The following ADAMTSL3 variants were observed in gnomAD, a reference collection of about 807,000 sequenced individuals.
ADAMTSL3 encodes the protein ADAMTS like 3.
ADAMTSL3 carries 128 observed loss-of-function variants against 201.7 expected under a neutral mutation model. The observed-to-expected ratio is 0.63, with a 90% CI of 0.55 to 0.73. The LOEUF (loss-of-function observed/expected upper bound fraction) is 0.73. Ranked by LOEUF, ADAMTSL3 falls within the 30% of genes least tolerant of loss-of-function variation. ADAMTSL3 has a pLI of 0.00. For synonymous variants in ADAMTSL3, 738 were observed against 748.4 expected, an observed-to-expected ratio of 0.99 and a Z score of 0.23; for missense variants, 1,990 against 2,119.6, an observed-to-expected ratio of 0.94 and a Z score of 1.20.
At chr15:83,695,692 T>G (rs998407482) in intron 2 of ADAMTSL3, among the ~76,000 whole-genome samples, 1 of 152,174 alleles carries the variant, frequency 6.6e-6, no homozygotes, top group Admixed American at 6.5e-5. Flanking sequence ...TCCCTGGAAA[T>G]AATTTTTTTT....
chr15:83,955,564 C>T (rs1195572006), intron 19 of ADAMTSL3, among the ~76,000 whole-genome samples: 1 of 152,092 alleles, frequency 6.6e-6, no homozygotes. Flanking sequence ...ATCCAAGGCC[C>T]ATGGCATACT....
intron 3 of ADAMTSL3, among the ~76,000 whole-genome samples, chr15:83,706,561 A>G (rs568621441): frequency 7.2e-5 from 11 of 152,320 alleles, no homozygotes; most frequent in African/African-American, 2.4e-4. Flanking sequence ...AACTAGGTTT[A>G]TCTATTGAAT....
chr15:83,805,882 C>T (rs2063595181), intron 5 of ADAMTSL3, among the ~76,000 whole-genome samples: 1 of 152,026 alleles, frequency 6.6e-6, no homozygotes, highest in Non-Finnish European at 1.5e-5. Context: ...GCAGGGAGCC[C>T]CTAGTAGCCC....
chr15:83,714,850 TTCCCTCCC>T lies in ADAMTSL3; in HGVS notation c.189+10364_189+10371del, dbSNP rs369793230. On this transcript the variant is annotated intron_variant, in intron 3 of 29. Transcript: ENST00000286744. ...TCTCTCTCTCTTTCTTTCTCTCTCT[TTCCCTCCC>T]TCCCTCCCTCCCTCCCTCCCTTCCT... is the stretch of plus-strand genomic sequence containing the variant. 3.9e-3 allele frequency among the ~76,000 whole-genome samples: 198 copies of T among 50,998 alleles called. 5 individuals carry two copies. The highest frequency in any genetic ancestry group is 0.017 in the African/African-American group (172 of 9,938). 33.5% of individuals were successfully genotyped at this position (50,998 alleles called of 152,430 possible). A position where few individuals can be genotyped will look rare whatever the true frequency, so the allele number is the denominator to read the frequency against.
chr15:83,952,624 T>C (rs2066778197), intron 19 of ADAMTSL3, among the ~76,000 whole-genome samples: 1 of 151,948 alleles, frequency 6.6e-6, no homozygotes, highest in African/African-American at 2.4e-5. Flanking sequence ...AGTGCTCCAG[T>C]GTTTAGTGCA....
chr15:83,757,377 T>G (rs1245607220), intron 3 of ADAMTSL3, among the ~76,000 whole-genome samples: 1 of 152,248 alleles, frequency 6.6e-6, no homozygotes, highest in Non-Finnish European at 1.5e-5. Context: ...GCTTGGGGCT[T>G]TCACTCTCTG....
At chr15:83,763,801 G>A (rs956323928) in intron 3 of ADAMTSL3, among the ~76,000 whole-genome samples, 2 of 152,166 alleles carry the variant, frequency 1.3e-5, no homozygotes, top group Admixed American at 6.5e-5. Context: ...CACCGCACCC[G>A]GCCTAAGAAA....
At chr15:84,022,901 C>A (rs993967110) in intron 26 of ADAMTSL3, among the ~76,000 whole-genome samples, 1 of 152,202 alleles carries the variant, frequency 6.6e-6, no homozygotes, top group African/African-American at 2.4e-5. Context: ...AGGACACTGT[C>A]CCCTCTCTCT....
chr15:83,849,050 A>G (rs145972392), intron 7 of ADAMTSL3, among the ~76,000 whole-genome samples: 7 of 152,312 alleles, frequency 4.6e-5, no homozygotes, highest in Non-Finnish European at 1.0e-4. Context: ...ACCACCATCA[A>G]CAACAAATCT....
chr15:83,824,798 G>A (rs920559014), intron 6 of ADAMTSL3: 2 of 151,930 alleles, frequency 1.3e-5, no homozygotes, highest in African/African-American at 4.8e-5. Context: ...AGTTTCCTCA[G>A]TGTCTTTTCA....
intron 19 of ADAMTSL3, among the ~76,000 whole-genome samples, chr15:83,959,147 T>C (rs577776217): frequency 6.6e-6 from 1 of 152,308 alleles, no homozygotes; most frequent in Non-Finnish European, 1.5e-5. Context: ...CATACTCAGC[T>C]GGGTGCAGTG....
At chr15:83,822,010 CA>C (rs2063880074) in intron 6 of ADAMTSL3, among the ~76,000 whole-genome samples, 3 of 132,432 alleles carry the variant, frequency 2.3e-5, no homozygotes, top group Non-Finnish European at 5.0e-5. Flanking sequence ...TGACCTCCCC[CA>C]CCTCCCTCCC....
At chr15:83,830,697 T>C (rs1451014429) in intron 6 of ADAMTSL3, among the ~76,000 whole-genome samples, 2 of 152,204 alleles carry the variant, frequency 1.3e-5, no homozygotes, top group Non-Finnish European at 2.9e-5. Context: ...CTCACACTTC[T>C]AGAGGCCAGA....
At chr15:83,805,145 C>T (rs1488230706) in intron 5 of ADAMTSL3, among the ~76,000 whole-genome samples, 1 of 152,142 alleles carries the variant, frequency 6.6e-6, no homozygotes, top group Non-Finnish European at 1.5e-5. Context: ...ATTTCTACCT[C>T]AGTGTCATGG....
At chr15:83,993,103 C>T (rs2067613351) in intron 23 of ADAMTSL3, among the ~76,000 whole-genome samples, 1 of 152,204 alleles carries the variant, frequency 6.6e-6, no homozygotes, top group South Asian at 2.1e-4. Context: ...TTAAACAAAC[C>T]TGTAGTGAAC....
At chr15:83,955,733 G>A (rs937859498) in intron 19 of ADAMTSL3, among the ~76,000 whole-genome samples, 4 of 152,046 alleles carry the variant, frequency 2.6e-5, no homozygotes, top group Non-Finnish European at 5.9e-5. Flanking sequence ...CTGGCATGGG[G>A]GCTTCACGAC....
intron 4 of ADAMTSL3, among the ~76,000 whole-genome samples, chr15:83,804,066 C>T (rs1263569072): frequency 6.6e-6 from 1 of 152,014 alleles, no homozygotes; most frequent in Non-Finnish European, 1.5e-5. Context: ...TTGCTTGAAC[C>T]TGGGAGATGG....
At chr15:84,001,764 G>A (rs2067795298) in intron 23 of ADAMTSL3, among the ~76,000 whole-genome samples, 1 of 152,234 alleles carries the variant, frequency 6.6e-6, no homozygotes, top group East Asian at 1.9e-4. Context: ...GAGATCCAGG[G>A]AGAGTACACT....
intron 15 of ADAMTSL3, among the ~76,000 whole-genome samples, chr15:83,905,825 G>A (rs1258464778): frequency 6.6e-6 from 1 of 151,962 alleles, no homozygotes; most frequent in Non-Finnish European, 1.5e-5. Context: ...AATCAGTGCT[G>A]GCTTCTCTCG....
Sources: allele counts gnomAD v4.1 joint callset (sites outside exome capture counted in the v4.1 genomes callset), GRCh38; gene constraint gnomAD v4.1.1; transcripts MANE v1.5; gene names NCBI Gene and HGNC (gene_info 2026-07-23, HGNC 2026-07-21).